IGSF11: variants seen among roughly 807,000 people sequenced by gnomAD.
The protein encoded by IGSF11 is immunoglobulin superfamily member 11.
IGSF11 carries 22 observed loss-of-function variants against 41.0 expected under a neutral mutation model. The observed-to-expected ratio is 0.54, with a 90% CI of 0.38 to 0.77. The LOEUF (loss-of-function observed/expected upper bound fraction) is 0.77, where lower values mean the gene tolerates loss of function less well. Among genes scored for constraint, IGSF11 ranks in the 30% least tolerant of loss-of-function variants. The probability of loss-of-function intolerance (pLI) is 0.00; values close to 1 mark genes in which losing one functional copy is unlikely to be tolerated. For synonymous variants in IGSF11, 219 were observed against 201.3 expected (o/e 1.09, Z -0.74); for missense variants, 444 against 530.8 (o/e 0.84, Z 1.61).
chr3:119,121,162 GA>G (rs918031204), intron 1 of IGSF11, among the ~76,000 whole-genome samples: 17 of 151,766 alleles, frequency 1.1e-4, no homozygotes, highest in African/African-American at 3.6e-4. Flanking sequence ...TGACACTTAT[GA>G]AAAAAACAGG....
At chr3:118,937,730 C>T (rs1017265860) in intron 1 of IGSF11, among the ~76,000 whole-genome samples, 1 of 152,116 alleles carries the variant, frequency 6.6e-6, no homozygotes, top group Admixed American at 6.5e-5. Flanking sequence ...CGGCAAGCTA[C>T]CATAAAATTA....
At chr3:118,928,462 G>A (rs750507642) in intron 3 of IGSF11, 47 bp downstream of exon 3, 2 of 1,467,574 alleles carry the variant, frequency 1.4e-6, no homozygotes, top group Non-Finnish European at 1.9e-6. Context: ...CTTGAGAGTA[G>A]CTTCGTGAGT....
chr3:118,906,059 C>G (rs752077079), intron 4 of IGSF11, among the ~76,000 whole-genome samples: 2 of 152,160 alleles, frequency 1.3e-5, no homozygotes, highest in African/African-American at 4.8e-5. Flanking sequence ...AATTCTAGTT[C>G]TGAGGAACTG....
At chr3:119,110,537 T>C (rs2077133192) in intron 1 of IGSF11, among the ~76,000 whole-genome samples, 1 of 152,234 alleles carries the variant, frequency 6.6e-6, no homozygotes, top group Non-Finnish European at 1.5e-5. Context: ...GTCTTCACTC[T>C]TTATCCAATT....
intron 1 of IGSF11, among the ~76,000 whole-genome samples, chr3:119,020,355 T>A (rs1300472186): frequency 1.3e-5 from 2 of 152,162 alleles, no homozygotes; most frequent in African/African-American, 4.8e-5. Flanking sequence ...ACTGCCTCGA[T>A]GTCATCACTC....
intron 1 of IGSF11, among the ~76,000 whole-genome samples, chr3:119,111,465 T>C (rs2077157954): frequency 1.3e-5 from 2 of 152,198 alleles, no homozygotes; most frequent in African/African-American, 4.8e-5. Flanking sequence ...CACTTCTCTG[T>C]ATTGGTTATT....
chr3:118,937,720 C>T (rs1238694729), intron 1 of IGSF11, among the ~76,000 whole-genome samples: 5 of 152,142 alleles, frequency 3.3e-5, no homozygotes, highest in Non-Finnish European at 5.9e-5. Context: ...TGGTGTACAA[C>T]GGCAAGCTAC....
intron 1 of IGSF11, among the ~76,000 whole-genome samples, chr3:118,954,382 T>C (rs1944802286): frequency 6.6e-6 from 1 of 152,100 alleles, no homozygotes; most frequent in Non-Finnish European, 1.5e-5. Flanking sequence ...TGTTTGGCTA[T>C]GAAGGCTTTT....
intron 1 of IGSF11, among the ~76,000 whole-genome samples, chr3:119,139,400 C>A (rs567107276): frequency 1.3e-5 from 2 of 152,328 alleles, no homozygotes; most frequent in African/African-American, 4.8e-5. Flanking sequence ...CATCTTGTAG[C>A]TCCCATAATT....
intron 1 of IGSF11, among the ~76,000 whole-genome samples, chr3:118,959,654 T>G (rs981369910): frequency 2.0e-5 from 3 of 152,130 alleles, no homozygotes; most frequent in African/African-American, 7.2e-5. Flanking sequence ...TATCCTAAAT[T>G]TTTAGGGGAG....
intron 1 of IGSF11, among the ~76,000 whole-genome samples, chr3:119,129,006 T>G (rs1048629942): frequency 1.3e-5 from 2 of 152,220 alleles, no homozygotes; most frequent in Non-Finnish European, 2.9e-5. Context: ...TCGTGTCCTT[T>G]GCAGGGACAT....
chr3:119,082,869 AG>A (rs1172103286), intron 1 of IGSF11, among the ~76,000 whole-genome samples: 7 of 152,210 alleles, frequency 4.6e-5, no homozygotes, highest in Non-Finnish European at 8.8e-5. Context: ...ACATAAAAGT[AG>A]GGTTTTCAAA....
chr3:119,063,113 A>G (rs1942105361), intron 1 of IGSF11, among the ~76,000 whole-genome samples: 1 of 152,170 alleles, frequency 6.6e-6, no homozygotes, highest in African/African-American at 2.4e-5. Context: ...AGTAGCAAAA[A>G]TCAATAGGTC....
intron 1 of IGSF11, among the ~76,000 whole-genome samples, chr3:119,097,311 C>T (rs1481160195): frequency 1.3e-5 from 2 of 152,080 alleles, no homozygotes; most frequent in African/African-American, 2.4e-5. Flanking sequence ...TGGAGGAGCT[C>T]GGTAACTATA....
chr3:118,960,730 T>C (rs1277150827), intron 1 of IGSF11, among the ~76,000 whole-genome samples: 2 of 152,226 alleles, frequency 1.3e-5, no homozygotes, highest in Non-Finnish European at 2.9e-5. Context: ...TTGTATTACT[T>C]TTATAATCAC....
At chr3:119,048,910 C>A (rs1389189350) in intron 1 of IGSF11, among the ~76,000 whole-genome samples, 1 of 152,186 alleles carries the variant, frequency 6.6e-6, no homozygotes, top group Non-Finnish European at 1.5e-5. Flanking sequence ...ATGATTATCT[C>A]AACAGATGCA....
intron 1 of IGSF11, among the ~76,000 whole-genome samples, chr3:119,081,190 A>G (rs1015496916): frequency 4.0e-5 from 6 of 151,854 alleles, no homozygotes; most frequent in African/African-American, 1.5e-4. Context: ...TCATCCTCAT[A>G]GTCCCATTTT....
chr3:118,928,498 G>C lies in IGSF11; in HGVS notation c.424+11C>G. On this transcript the variant is annotated intron_variant, in intron 3 of 6. Coordinates refer to ENST00000393775, the MANE Select transcript of IGSF11 (RefSeq NM_001015887.3). ...AAAGCCCGAACAGCCAAGGACTCTT[G>C]TGTCACTCACCTAACACTGTGAGAC... 1 of 1,609,098 alleles carries C rather than the reference G, an allele frequency of 6.2e-7. No homozygotes were observed. The highest frequency in any genetic ancestry group is 1.3e-5 in the African/African-American group (1 of 74,924).
chr3:119,093,105 C>T (rs769006741), intron 1 of IGSF11, among the ~76,000 whole-genome samples: 9 of 152,174 alleles, frequency 5.9e-5, no homozygotes, highest in Non-Finnish European at 1.0e-4. Flanking sequence ...AAGATATCAA[C>T]ACACACAAAA....
Sources: gnomAD v4.1 joint callset for allele counts (sites outside exome capture counted in the v4.1 genomes callset) on GRCh38, gnomAD v4.1.1 for gene constraint, MANE v1.5 for transcripts, NCBI Gene and HGNC (gene_info 2026-07-23, HGNC 2026-07-21) for gene names.